DTNA: variants seen among roughly 807,000 people sequenced by gnomAD.
DTNA encodes dystrobrevin alpha.
Under a neutral mutation model 100.7 loss-of-function variants are expected in DTNA, and 43 were observed. The ratio of observed to expected loss-of-function variants is 0.43; its 90% confidence interval spans 0.33 to 0.55. DTNA has a LOEUF of 0.55. Ranked by LOEUF, DTNA falls within the 20% of genes least tolerant of loss-of-function variation. The pLI is 0.04. For synonymous variants in DTNA, 349 were observed against 347.9 expected (o/e 1.00, Z -0.04); for missense variants, 798 against 953.9 (o/e 0.84, Z 2.15).
At chr18:34,812,298 A>G (rs776316625) in intron 6 of DTNA, among the ~76,000 whole-genome samples, 185 bp downstream of exon 6, 1 of 152,196 alleles carries the variant, frequency 6.6e-6, no homozygotes, top group Non-Finnish European at 1.5e-5. Context: ...CTGGATCACA[A>G]TAATAGACAG....
chr18:34,655,660 C>T (rs983211357), intron 1 of DTNA, among the ~76,000 whole-genome samples: 7 of 152,004 alleles, frequency 4.6e-5, no homozygotes, highest in African/African-American at 1.7e-4. Flanking sequence ...TAAATTGTGT[C>T]CTCTTTTCTA....
In DTNA at chr18:34,888,049, G is replaced by A; in HGVS notation, c.*315G>A. ...AGTTAACTTATCAGCTACATCCTCT[G>A]TAACGTGGTTCATCCCTGGTTAAAA... On this transcript the variant is annotated 3_prime_UTR_variant, in exon 23 of 23. Transcript: ENST00000444659. 1 of 985,864 alleles carries A rather than the reference G, an allele frequency of 1.0e-6. No homozygotes were observed. The highest frequency in any genetic ancestry group is 1.2e-6 in the Non-Finnish European group (1 of 829,946). The allele number at this position is 985,864 out of a possible 1,614,324, so 61.1% of individuals were successfully genotyped here. A position where few individuals can be genotyped will look rare whatever the true frequency, so the allele number is the denominator to read the frequency against.
At chr18:34,753,220 T>C (rs1003463490) in intron 1 of DTNA, among the ~76,000 whole-genome samples, 3 of 152,032 alleles carry the variant, frequency 2.0e-5, no homozygotes, top group Non-Finnish European at 4.4e-5. Flanking sequence ...TAAATAGGAG[T>C]AGAGTTGTCA....
chr18:34,814,458 G>A (rs1408162045), intron 6 of DTNA, among the ~76,000 whole-genome samples: 1 of 152,020 alleles, frequency 6.6e-6, no homozygotes, highest in African/African-American at 2.4e-5. Flanking sequence ...GCTGAGGCAG[G>A]AGGAGAGCTT....
rs77863471 is a variant in DTNA, at chr18:34,786,086, A to T, written c.149-7951A>T. On this transcript the variant is annotated intron_variant, in intron 3 of 22. Transcript: ENST00000444659. ...CCCACATGTGAGCTCCTTAAAAGCA[A>T]TTTTTTCTTAAAGTCTACTTGGTGC... Among the ~76,000 whole-genome samples, 1,423 of 152,222 alleles carry T rather than the reference A, an allele frequency of 9.3e-3. 17 individuals are homozygous for T. The highest frequency in any genetic ancestry group is 0.033 in the African/African-American group (1,356 of 41,522).
intron 17 of DTNA, 137 bp downstream of exon 17, chr18:34,864,199 A>G: frequency 1.3e-6 from 1 of 748,438 alleles, no homozygotes; most frequent in East Asian, 2.7e-5. Context: ...CAGATGTAAA[A>G]CAATTTGTTA....
In DTNA at chr18:34,820,925, C is replaced by T; in HGVS notation, c.1001+10C>T. On this transcript the variant is annotated intron_variant, in intron 9 of 22. Coordinates refer to ENST00000444659, the MANE Select transcript of DTNA (RefSeq NM_001386795.1). ...ACTTGGCTCACATCGTGTGAGTATC[C>T]CTACCCTCCCAGTATAGAGACAATT... The T allele has an allele frequency of 1.2e-6, 2 of 1,612,122 alleles. No homozygotes were observed. Among genetic ancestry groups the T allele is most frequent in the Non-Finnish European group, 1.7e-6 (2 of 1,179,634 alleles).
intron 1 of DTNA, among the ~76,000 whole-genome samples, chr18:34,609,080 A>G (rs181781441): frequency 0.015 from 2,288 of 152,288 alleles, 46 homozygotes; most frequent in Non-Finnish European, 0.018. Flanking sequence ...TTTGTGCTAA[A>G]TGCTACTTGC....
intron 1 of DTNA, among the ~76,000 whole-genome samples, chr18:34,564,393 C>T (rs953062744): frequency 1.2e-4 from 18 of 152,340 alleles, no homozygotes; most frequent in Admixed American, 5.9e-4. Context: ...ATCCGCCCGC[C>T]TCTGCCTCCC....
At chr18:34,849,730 A>G (rs1164631241) in intron 14 of DTNA, among the ~76,000 whole-genome samples, 1 of 152,220 alleles carries the variant, frequency 6.6e-6, no homozygotes, top group Non-Finnish European at 1.5e-5. Flanking sequence ...TTTTCATCTT[A>G]TCTTAAAAGA....
At chr18:34,569,910 A>AAAT (rs961626180) in intron 1 of DTNA, among the ~76,000 whole-genome samples, 1 of 151,170 alleles carries the variant, frequency 6.6e-6, no homozygotes, top group African/African-American at 2.5e-5. Context: ...CACACACACA[A>AAAT]AATAATAATA....
chr18:34,825,247 C>G, intron 9 of DTNA: 1 of 1,613,154 alleles, frequency 6.2e-7, no homozygotes, highest in Non-Finnish European at 8.5e-7. Flanking sequence ...CTATTCTGTT[C>G]AATTCTTCGC....
chr18:34,773,332 G>A (rs1235990745), intron 3 of DTNA, among the ~76,000 whole-genome samples: 4 of 152,162 alleles, frequency 2.6e-5, no homozygotes, highest in Non-Finnish European at 4.4e-5. Context: ...CTCAGATAAC[G>A]ATGTATAAAA....
intron 4 of DTNA, among the ~76,000 whole-genome samples, chr18:34,805,417 C>T (rs1204637708): frequency 1.3e-5 from 2 of 152,072 alleles, no homozygotes; most frequent in East Asian, 1.9e-4. Context: ...CTCCACCTCC[C>T]GGGTTCAAGC....
intron 5 of DTNA, among the ~76,000 whole-genome samples, chr18:34,807,006 ACT>A (rs1015927056): frequency 6.6e-6 from 1 of 152,140 alleles, no homozygotes; most frequent in African/African-American, 2.4e-5. Flanking sequence ...TTGAACCCTG[ACT>A]TTTTTTTCTA....
At chr18:34,690,923 T>C (rs1444250487) in intron 1 of DTNA, among the ~76,000 whole-genome samples, 1 of 152,196 alleles carries the variant, frequency 6.6e-6, no homozygotes, top group Non-Finnish European at 1.5e-5. Context: ...AGGCACTATT[T>C]TTATCTCCTT....
intron 1 of DTNA, among the ~76,000 whole-genome samples, chr18:34,621,174 T>C (rs895593256): frequency 1.3e-5 from 2 of 148,350 alleles, no homozygotes; most frequent in Non-Finnish European, 3.0e-5. Context: ...AATAAATATA[T>C]ATTATATATA....
intron 1 of DTNA, among the ~76,000 whole-genome samples, chr18:34,671,304 A>C (rs34971555): frequency 0.16 from 24,195 of 152,044 alleles, 3,525 homozygotes; most frequent in African/African-American, 0.39. Flanking sequence ...ATGGGAGTGA[A>C]CCGATTTTCC....
chr18:34,597,383 C>T (rs2050851247), intron 1 of DTNA, among the ~76,000 whole-genome samples: 1 of 152,160 alleles, frequency 6.6e-6, no homozygotes, highest in Admixed American at 6.5e-5. Context: ...ATTCTCTCTG[C>T]AGTTGCTCTA....
Sources: allele counts gnomAD v4.1 joint callset (sites outside exome capture counted in the v4.1 genomes callset), GRCh38; gene constraint gnomAD v4.1.1; transcripts MANE v1.5; gene names NCBI Gene and HGNC (gene_info 2026-07-23, HGNC 2026-07-21).